The following VIT variants were observed in gnomAD, a reference collection of about 807,000 sequenced individuals.
VIT encodes vitrin.
VIT carries 99 observed loss-of-function variants against 78.0 expected under a neutral mutation model. That is an observed-to-expected ratio of 1.27 (90% confidence interval 1.08 to 1.50). The LOEUF (loss-of-function observed/expected upper bound fraction) is 1.50. Among genes scored for constraint, VIT ranks in the 40% most tolerant of loss-of-function variants. The pLI is 0.00. For synonymous variants in VIT, 374 were observed against 334.3 expected (o/e 1.12, Z -1.29); for missense variants, 1,126 against 875.3 (o/e 1.29, Z -3.61).
At chr2:36,740,454 T>G (rs1213038523) in intron 3 of VIT, among the ~76,000 whole-genome samples, 1 of 152,250 alleles carries the variant, frequency 6.6e-6, no homozygotes, top group East Asian at 1.9e-4. Flanking sequence ...TTTTTAATAA[T>G]TTTGGCAATC....
intron 9 of VIT, among the ~76,000 whole-genome samples, chr2:36,775,729 C>T (rs1175116663): frequency 6.6e-6 from 1 of 152,084 alleles, no homozygotes; most frequent in African/African-American, 2.4e-5. Context: ...CACCATCATC[C>T]CTGCAACTTT....
At chr2:36,783,929 G>C (rs143329497) in intron 11 of VIT, among the ~76,000 whole-genome samples, 1 of 152,320 alleles carries the variant, frequency 6.6e-6, no homozygotes, top group Non-Finnish European at 1.5e-5. Context: ...CGAGACATTT[G>C]ATCTGGTAGA....
intron 15 of VIT, 136 bp downstream of exon 15, chr2:36,809,121 G>A (rs537076031): frequency 4.0e-5 from 50 of 1,237,520 alleles, no homozygotes; most frequent in Admixed American, 2.6e-4. Flanking sequence ...AAGCCGCAGG[G>A]AGGGCATTAG....
chr2:36,743,257 G>C lies in VIT; in HGVS notation c.275+1G>C, dbSNP rs1356807752. 5 of 1,612,278 alleles carry C rather than the reference G, an allele frequency of 3.1e-6. No individual in the cohort carries two copies. The South Asian group carries it at 5.5e-5, about 18-fold the overall frequency. On this transcript the variant is annotated splice_donor_variant, in intron 4 of 15. Coordinates refer to ENST00000379242, the MANE Select transcript of VIT (RefSeq NM_053276.4). LOFTEE classifies it high-confidence loss of function. The stretch of plus-strand genomic sequence containing the variant: ...GTGTGTGTGGCGCTGCCGTACACAG[G>C]TGAGTGGTTCTGAGCTACTTAATAA...
intron 2 of VIT, among the ~76,000 whole-genome samples, chr2:36,725,450 G>C (rs1185955711): frequency 6.6e-6 from 1 of 152,018 alleles, no homozygotes; most frequent in Non-Finnish European, 1.5e-5. Context: ...CATGACAGAA[G>C]AGGCAAACTA....
At chr2:36,700,283 C>A (rs575215140) in intron 1 of VIT, among the ~76,000 whole-genome samples, 35 of 152,218 alleles carry the variant, frequency 2.3e-4, no homozygotes, top group Non-Finnish European at 7.4e-5. Context: ...AAAAGGTCTC[C>A]CTCTCACTGT....
intron 3 of VIT, among the ~76,000 whole-genome samples, chr2:36,731,740 G>C (rs1481194404): frequency 3.9e-5 from 6 of 152,196 alleles, no homozygotes; most frequent in African/African-American, 1.4e-4. Context: ...CAAATTTGTA[G>C]GCTTGATGGA....
chr2:36,802,062 T>G (rs558013388), intron 13 of VIT, among the ~76,000 whole-genome samples: 1 of 152,280 alleles, frequency 6.6e-6, no homozygotes, highest in East Asian at 1.9e-4. Flanking sequence ...ACCGTTGTAG[T>G]GATGATTGTG....
chr2:36,740,724 A>G (rs900044114), intron 3 of VIT, among the ~76,000 whole-genome samples: 7 of 152,238 alleles, frequency 4.6e-5, no homozygotes, highest in African/African-American at 1.7e-4. Context: ...AAAAAAAGAC[A>G]AAATAAACAA....
chr2:36,765,447 G>GAGAGAGAGAGA (rs759255390), intron 6 of VIT, among the ~76,000 whole-genome samples: 102 of 148,716 alleles, frequency 6.9e-4, no homozygotes, highest in South Asian at 1.5e-3. Flanking sequence ...GAGAGAGAGA[G>GAGAGAGAGAGA]GAAAAACTGC....
In VIT at chr2:36,755,040, C is replaced by G; in HGVS notation, c.395C>G (p.Ser132Cys). The stretch of plus-strand genomic sequence containing the variant: ...TTATCCCTACCACGATGGAGAGAAT[C>G]CTTTATCGTCTTAGGTATGACCACA... ...QSLSLPRWRE[S>C]FIVLESKPKK... The change falls in exon 5 of 16, where the codon TCC becomes TGC. Residue 132 changes from serine (S) to cysteine (C), a missense_variant. Transcript: ENST00000379242. 1 of 1,614,042 alleles carries G rather than the reference C, an allele frequency of 6.2e-7. No individual in the cohort carries two copies.
intron 9 of VIT, among the ~76,000 whole-genome samples, chr2:36,777,647 C>A (rs1433451373): frequency 6.6e-6 from 1 of 152,102 alleles, no homozygotes; most frequent in East Asian, 1.9e-4. Flanking sequence ...TTATCATATA[C>A]CTCTGTAGAA....
At chr2:36,770,971 C>A (rs1310206042) in intron 7 of VIT, among the ~76,000 whole-genome samples, 1 of 152,272 alleles carries the variant, frequency 6.6e-6, no homozygotes, top group East Asian at 1.9e-4. Context: ...GACCGCTAAG[C>A]GGGAGAAAGT....
chr2:36,768,959 A>C (rs989279601), intron 7 of VIT, among the ~76,000 whole-genome samples: 8 of 152,248 alleles, frequency 5.3e-5, no homozygotes, highest in African/African-American at 1.9e-4. Context: ...AAAGTCCCAG[A>C]ATAAGAATAC....
In VIT at chr2:36,809,196, C is replaced by G. The variant is rs142691390; in HGVS notation, c.1903+211C>G. The stretch of plus-strand genomic sequence containing the variant: ...AACAAGGATGGGGCAGCAAGGTGGT[C>G]TCCTAAGTGTCATTACAAACCCATG... On this transcript the variant is annotated intron_variant, in intron 15 of 15. Coordinates refer to ENST00000379242, the MANE Select transcript of VIT (RefSeq NM_053276.4). Among the ~76,000 whole-genome samples the G allele has an allele frequency of 1.1e-3, 166 of 152,286 alleles. 3 individuals are homozygous for G. In the East Asian group the frequency reaches 0.026, roughly 24 times the overall value.
At chr2:36,717,531 C>A (rs541437470) in intron 2 of VIT, among the ~76,000 whole-genome samples, 3 of 152,028 alleles carry the variant, frequency 2.0e-5, no homozygotes, top group African/African-American at 7.3e-5. Context: ...CCACCGCACC[C>A]GGCCCAGAGA....
chr2:36,756,559 A>C (rs1390729461), intron 5 of VIT, among the ~76,000 whole-genome samples: 1 of 152,228 alleles, frequency 6.6e-6, no homozygotes, highest in East Asian at 1.9e-4. Flanking sequence ...TTAGCAGGAC[A>C]ACAAACAGAC....
intron 1 of VIT, among the ~76,000 whole-genome samples, chr2:36,706,045 T>A (rs1665399316): frequency 6.6e-6 from 1 of 152,198 alleles, no homozygotes; most frequent in African/African-American, 2.4e-5. Flanking sequence ...CTGTCATAAA[T>A]ATATGAGGAA....
intron 5 of VIT, among the ~76,000 whole-genome samples, chr2:36,758,037 T>C (rs1668872306): frequency 6.6e-6 from 1 of 152,208 alleles, no homozygotes; most frequent in African/African-American, 2.4e-5. Context: ...TGTGCCACAC[T>C]GCTTACCATC....
Sources: allele counts gnomAD v4.1 joint callset (sites outside exome capture counted in the v4.1 genomes callset), GRCh38; gene constraint gnomAD v4.1.1; transcripts MANE v1.5; gene names NCBI Gene and HGNC (gene_info 2026-07-23, HGNC 2026-07-21).